Variants in GRIA3 observed in about 807,000 individuals in gnomAD.
GRIA3 encodes the protein glutamate receptor 3.
GRIA3 carries 3 observed loss-of-function variants against 63.0 expected under a neutral mutation model. The ratio of observed to expected loss-of-function variants is 0.05; its 90% CI spans 0.02 to 0.12. The LOEUF (loss-of-function observed/expected upper bound fraction) is 0.12. GRIA3 is among the 10% of genes least tolerant of loss of function. The pLI is 1.00. For synonymous variants in GRIA3, 274 were observed against 257.9 expected, an observed-to-expected ratio of 1.06 and a Z score of -0.60; for missense variants, 347 against 700.9, an observed-to-expected ratio of 0.50 and a Z score of 5.70.
At chrX:123,471,296 A>C (rs141179752) in intron 13 of GRIA3, among the ~76,000 whole-genome samples, 1,280 of 111,963 alleles carry the variant, frequency 0.011, 17 homozygotes, top group African/African-American at 0.039. Flanking sequence ...GATATTAAAG[A>C]ATAAATTCTA....
chrX:123,465,903 T>C (rs927625131), intron 13 of GRIA3: 7 of 605,803 alleles, frequency 1.2e-5, no homozygotes, highest in Non-Finnish European at 1.7e-5. Flanking sequence ...AATGACCAGG[T>C]TATTCCCCTG....
intron 5 of GRIA3, among the ~76,000 whole-genome samples, chrX:123,394,148 G>A (rs768846303): frequency 8.9e-6 from 1 of 112,194 alleles, no homozygotes; most frequent in South Asian, 3.7e-4. Flanking sequence ...GATCACTTGA[G>A]GTCAGGAGTT....
intron 4 of GRIA3, 59 bp downstream of exon 4, chrX:123,326,272 C>G: frequency 2.2e-6 from 2 of 929,563 alleles, no homozygotes; most frequent in Non-Finnish European, 3.1e-6. Flanking sequence ...CCTAAGTCAG[C>G]TCCCATATCT....
rs756247662 is a variant in GRIA3, at chrX:123,275,643, T to C, written c.508+22101T>C. On this transcript the variant is annotated intron_variant, in intron 3 of 15. Transcript: ENST00000620443. ...AATGAACTAACCACCACTGGGCTCTTGAAAGTATCCTAGAACTACGAATTT... is the reference window on the plus strand; with the variant it reads ...AATGAACTAACCACCACTGGGCTCTCGAAAGTATCCTAGAACTACGAATTT... Among the ~76,000 whole-genome samples, 6 of 112,328 alleles carry C rather than the reference T, an allele frequency of 5.3e-5. No individual in the cohort carries two copies. In the South Asian group the frequency reaches 2.2e-3, roughly 42 times the overall value.
intron 2 of GRIA3, among the ~76,000 whole-genome samples, chrX:123,225,339 G>A (rs919989827): frequency 8.9e-6 from 1 of 112,154 alleles, no homozygotes; most frequent in Non-Finnish European, 1.9e-5. Context: ...TGCACGGAGC[G>A]AGTACCCAAT....
intron 5 of GRIA3, among the ~76,000 whole-genome samples, chrX:123,365,321 G>A (rs1440216955): frequency 9.0e-6 from 1 of 111,443 alleles, no homozygotes; most frequent in Non-Finnish European, 1.9e-5. Flanking sequence ...TTCAATAGAG[G>A]CACCTAAAGT....
At chrX:123,361,526 T>C (rs2147354520) in intron 5 of GRIA3, among the ~76,000 whole-genome samples, 1 of 111,536 alleles carries the variant, frequency 9.0e-6, no homozygotes, top group South Asian at 3.8e-4. Flanking sequence ...CAAATGGAAA[T>C]GGTACATAGA....
chrX:123,185,557 A>C (rs900390613), intron 1 of GRIA3, among the ~76,000 whole-genome samples: 14 of 108,946 alleles, frequency 1.3e-4, no homozygotes, highest in South Asian at 4.1e-4. Context: ...AGAAAGAACC[A>C]AGTCTCACTC....
At chrX:123,419,409 CAA>C (rs56305308) in intron 11 of GRIA3, among the ~76,000 whole-genome samples, 135 of 75,915 alleles carry the variant, frequency 1.8e-3, no homozygotes, top group Middle Eastern at 6.4e-3. Context: ...AACTCAGTCT[CAA>C]AAAAAAAAAA....
intron 6 of GRIA3, 112 bp downstream of exon 6, chrX:123,395,241 T>C: frequency 1.4e-6 from 1 of 693,961 alleles, no homozygotes; most frequent in Non-Finnish European, 2.3e-6. Context: ...TCAGAAGTGA[T>C]TCAAAGATGC....
chrX:123,383,431 G>A (rs1325866614), intron 5 of GRIA3, among the ~76,000 whole-genome samples: 4 of 110,792 alleles, frequency 3.6e-5, no homozygotes, highest in African/African-American at 6.6e-5. Flanking sequence ...TCTTCATCCT[G>A]CCCCCTCTCT....
chrX:123,272,730 CATTA>C (rs1256091466), intron 3 of GRIA3, among the ~76,000 whole-genome samples: 1 of 111,989 alleles, frequency 8.9e-6, no homozygotes, highest in African/African-American at 3.2e-5. Flanking sequence ...TTCCCCCTTA[CATTA>C]TTTATGTGCC....
At chrX:123,247,251 A>C (rs1486404133) in intron 2 of GRIA3, among the ~76,000 whole-genome samples, 3 of 112,454 alleles carry the variant, frequency 2.7e-5, no homozygotes, top group African/African-American at 9.7e-5. Context: ...AATGATATGC[A>C]ATATTGTTAT....
At chrX:123,439,612 A>G (rs1375776207) in intron 12 of GRIA3, among the ~76,000 whole-genome samples, 2 of 110,677 alleles carry the variant, frequency 1.8e-5, no homozygotes, top group Middle Eastern at 4.7e-3. Flanking sequence ...GTATGTTACA[A>G]ATAAAACTTA....
chrX:123,208,132 G>A (rs780466787), intron 2 of GRIA3, among the ~76,000 whole-genome samples: 3 of 112,717 alleles, frequency 2.7e-5, no homozygotes, highest in Admixed American at 9.3e-5. Flanking sequence ...GCCTCTAGTC[G>A]GAAGGGGCTA....
intron 5 of GRIA3, among the ~76,000 whole-genome samples, chrX:123,370,671 GTATTTTATTT>G (rs935247766): frequency 2.7e-5 from 3 of 110,490 alleles, no homozygotes; most frequent in Non-Finnish European, 3.8e-5. Flanking sequence ...TAGGAATAAT[GTATTTTATTT>G]TATTTTATTT....
chrX:123,382,142 T>C (rs947890532), intron 5 of GRIA3, among the ~76,000 whole-genome samples: 9 of 112,145 alleles, frequency 8.0e-5, no homozygotes, highest in African/African-American at 9.7e-5. Flanking sequence ...TGCCCTTTAG[T>C]AACAAGATCT....
At chrX:123,237,712 A>C (rs1006955337) in intron 2 of GRIA3, among the ~76,000 whole-genome samples, 4 of 112,610 alleles carry the variant, frequency 3.6e-5, no homozygotes, top group African/African-American at 1.3e-4. Flanking sequence ...AAAAGTTACA[A>C]GTTAATACAT....
chrX:123,400,885 CCAGCA>C (rs2045440150), intron 7 of GRIA3, among the ~76,000 whole-genome samples: 1 of 111,915 alleles, frequency 8.9e-6, no homozygotes, highest in African/African-American at 3.2e-5. Flanking sequence ...AAAGATCAGC[CCAGCA>C]CAGTCTACTG....
Sources: gnomAD v4.1 joint callset for allele counts (sites outside exome capture counted in the v4.1 genomes callset) on GRCh38, gnomAD v4.1.1 for gene constraint, MANE v1.5 for transcripts, NCBI Gene and HGNC (gene_info 2026-07-23, HGNC 2026-07-21) for gene names.